The following TTC29 variants were observed in gnomAD, a reference collection of about 807,000 sequenced individuals.
TTC29 encodes the protein tetratricopeptide repeat domain 29.
In TTC29, 49 loss-of-function variants were observed where a neutral mutation model predicts 58.1. That is an observed-to-expected ratio of 0.84 (90% CI 0.67 to 1.07). TTC29 has a LOEUF of 1.07. TTC29 is among the 50% of genes least tolerant of loss of function. The pLI, the probability that TTC29 is intolerant of heterozygous loss-of-function variation, is 0.00. For synonymous variants in TTC29, 209 were observed against 196.8 expected (o/e 1.06, Z -0.52); for missense variants, 582 against 555.6 (o/e 1.05, Z -0.48).
intron 4 of TTC29, 100 bp downstream of exon 4, chr4:146,937,494 A>G (rs1735936074): frequency 5.3e-6 from 4 of 759,594 alleles, no homozygotes; most frequent in Admixed American, 3.4e-5. Flanking sequence ...GCCATGTTCC[A>G]ATGAAAAAGT....
intron 7 of TTC29, among the ~76,000 whole-genome samples, chr4:146,874,006 C>T (rs1323546435): frequency 6.6e-6 from 1 of 152,252 alleles, no homozygotes; most frequent in East Asian, 1.9e-4. Context: ...GTGCATTTCA[C>T]AAATTAAAAG....
At chr4:146,866,702 T>C (rs939067023) in intron 8 of TTC29, among the ~76,000 whole-genome samples, 1 of 152,066 alleles carries the variant, frequency 6.6e-6, no homozygotes, top group African/African-American at 2.4e-5. Context: ...TATCCAATTG[T>C]AAGGGGGCTA....
chr4:146,711,080 T>TAAAC (rs1742458314), intron 11 of TTC29, among the ~76,000 whole-genome samples: 1 of 152,146 alleles, frequency 6.6e-6, no homozygotes. Flanking sequence ...TTTGGCATGC[T>TAAAC]AAACATTTGT....
At chr4:146,765,675 C>T (rs768506860) in intron 11 of TTC29, among the ~76,000 whole-genome samples, 55 of 152,220 alleles carry the variant, frequency 3.6e-4, no homozygotes, top group Middle Eastern at 3.4e-3. Flanking sequence ...AATAACACTC[C>T]CACTTGATTT....
intron 4 of TTC29, among the ~76,000 whole-genome samples, chr4:146,925,343 A>G (rs1027471791): frequency 2.0e-5 from 3 of 152,036 alleles, no homozygotes; most frequent in Middle Eastern, 3.2e-3. Context: ...TCTTCTTTCT[A>G]TCAGTTTTGG....
At chr4:146,869,242 GA>G (rs1730775120) in intron 7 of TTC29, among the ~76,000 whole-genome samples, 1 of 152,094 alleles carries the variant, frequency 6.6e-6, no homozygotes, top group Admixed American at 6.6e-5. Context: ...ATGTCAGCAG[GA>G]ACAATATTTC....
intron 8 of TTC29, among the ~76,000 whole-genome samples, chr4:146,863,454 A>G (rs1730374786): frequency 6.6e-6 from 1 of 152,158 alleles, no homozygotes; most frequent in South Asian, 2.1e-4. Flanking sequence ...AAACATACAA[A>G]TTTATAGAAT....
At chr4:146,864,128 A>G (rs1730418897) in intron 8 of TTC29, among the ~76,000 whole-genome samples, 1 of 152,100 alleles carries the variant, frequency 6.6e-6, no homozygotes. Context: ...TTAACTGTCT[A>G]CTTGAACTCT....
chr4:146,913,762 T>G (rs1232408164), intron 4 of TTC29, among the ~76,000 whole-genome samples: 1 of 152,164 alleles, frequency 6.6e-6, no homozygotes, highest in East Asian at 1.9e-4. Context: ...CATTTCCACT[T>G]GATTTAGTCA....
chr4:146,839,312 T>G (rs1303832626), intron 8 of TTC29, among the ~76,000 whole-genome samples: 1 of 152,032 alleles, frequency 6.6e-6, no homozygotes, highest in African/African-American at 2.4e-5. Context: ...TAATAATCAT[T>G]TATTGTATAC....
chr4:146,874,671 C>T (rs781483726), intron 7 of TTC29, 45 bp downstream of exon 7: 2 of 1,427,962 alleles, frequency 1.4e-6, no homozygotes, highest in South Asian at 2.4e-5. Flanking sequence ...GAAACAGTGT[C>T]TACCCATTAA....
intron 11 of TTC29, among the ~76,000 whole-genome samples, chr4:146,748,370 T>C (rs1332660304): frequency 6.6e-6 from 1 of 152,154 alleles, no homozygotes; most frequent in East Asian, 1.9e-4. Context: ...TTCCAGATGC[T>C]ACAGTAGTTT....
At chr4:146,915,905 G>T (rs1734191482) in intron 4 of TTC29, among the ~76,000 whole-genome samples, 1 of 151,686 alleles carries the variant, frequency 6.6e-6, no homozygotes, top group Admixed American at 6.6e-5. Flanking sequence ...ATCTGACAAA[G>T]ATAAAATCAA....
At chr4:146,759,982 G>A (rs966724212) in intron 11 of TTC29, among the ~76,000 whole-genome samples, 1 of 152,072 alleles carries the variant, frequency 6.6e-6, no homozygotes, top group Non-Finnish European at 1.5e-5. Flanking sequence ...AATCAGTAAA[G>A]AGGAAGTCAA....
At chr4:146,875,387 G>T (rs1428976401) in intron 6 of TTC29, among the ~76,000 whole-genome samples, 1 of 152,144 alleles carries the variant, frequency 6.6e-6, no homozygotes, top group Non-Finnish European at 1.5e-5. Context: ...TAAGAATTTT[G>T]CTCAAGATGG....
intron 8 of TTC29, among the ~76,000 whole-genome samples, chr4:146,842,887 A>G (rs1728936592): frequency 1.3e-5 from 2 of 152,186 alleles, no homozygotes; most frequent in Admixed American, 1.3e-4. Flanking sequence ...GCTTGAAATC[A>G]TTGTCAAATC....
At chr4:146,728,030 T>C (rs1468198362) in intron 11 of TTC29, among the ~76,000 whole-genome samples, 1 of 152,174 alleles carries the variant, frequency 6.6e-6, no homozygotes, top group East Asian at 1.9e-4. Context: ...CTCATGCCTG[T>C]AATCCCAGCA....
rs998560027 is a variant in TTC29 at position 146,773,104 on chromosome 4, A to G, written c.1330+30353T>C. On this transcript the variant is annotated intron_variant, in intron 11 of 12. Coordinates refer to ENST00000325106, the MANE Select transcript of TTC29 (RefSeq NM_031956.4). ...AAACTTTGCTGAAGTTGTTTATCACATCAAGGAGCTTTTGGGCAGAGACTA... is the reference window on the plus strand; with the variant it reads ...AAACTTTGCTGAAGTTGTTTATCACGTCAAGGAGCTTTTGGGCAGAGACTA... 5.3e-4 allele frequency among the ~76,000 whole-genome samples: 80 copies of G among 152,198 alleles called. 1 individual carries two copies. Among genetic ancestry groups the G allele is most frequent in the African/African-American group, 1.9e-3 (77 of 41,540 alleles).
chr4:146,827,032 C>A (rs1727851518), intron 9 of TTC29, among the ~76,000 whole-genome samples: 1 of 151,800 alleles, frequency 6.6e-6, no homozygotes, highest in Non-Finnish European at 1.5e-5. Context: ...AGCTTGTTTG[C>A]ATTGGGTTAG....
Sources: gnomAD v4.1 joint callset for allele counts (sites outside exome capture counted in the v4.1 genomes callset) on GRCh38, gnomAD v4.1.1 for gene constraint, MANE v1.5 for transcripts, NCBI Gene and HGNC (gene_info 2026-07-23, HGNC 2026-07-21) for gene names.